PEX14: variants seen among roughly 807,000 people sequenced by gnomAD.
PEX14 encodes the protein peroxisomal biogenesis factor 14.
In PEX14, 15 loss-of-function variants were observed where a neutral mutation model predicts 49.5. That is an observed-to-expected ratio of 0.30 (90% CI 0.20 to 0.47). The LOEUF is 0.47. Ranked by LOEUF, PEX14 falls within the 20% of genes least tolerant of loss-of-function variation. PEX14 has a pLI of 1.00. For missense variants in PEX14, 398 were observed against 494.8 expected (o/e 0.80, Z 1.86); for synonymous variants, 210 against 212.7 (o/e 0.99, Z 0.11).
In PEX14 at chr1:10,605,989, G is replaced by A. The variant is rs1418514211; in HGVS notation, c.298+6623G>A. Among the ~76,000 whole-genome samples, 5 of 152,208 alleles carry A rather than the reference G, an allele frequency of 3.3e-5. No homozygotes were observed. In the East Asian group the frequency reaches 9.6e-4, roughly 29 times the overall value. On this transcript the variant is annotated intron_variant, in intron 4 of 8. Transcript: ENST00000356607. ...AAGTATCACGGGAAGGAACCGAAAT[G>A]AAGTGATCCTTTCCTTAGGTTTCTT...
rs768883805 is a variant in PEX14 at position 10,512,802 on chromosome 1, G to A, written c.84+17481G>A. ...CAACCTCCGCCTCACGGGTTCAAGC[G>A]ATTCCCTGCCTCAGCCTCCTGAGTA... On this transcript the variant is annotated intron_variant, in intron 2 of 8. Coordinates refer to ENST00000356607, the MANE Select transcript of PEX14 (RefSeq NM_004565.3). The surrounding 1 kb of genome is among the most constrained non-coding windows in gnomAD (Gnocchi z 4.6). Among the ~76,000 whole-genome samples, 27 of 152,128 alleles carry A rather than the reference G, an allele frequency of 1.8e-4. No homozygotes were observed. Among genetic ancestry groups the A allele is most frequent in the Admixed American group, 8.5e-4 (13 of 15,282 alleles).
chr1:10,486,919 C>T (rs1641379690), intron 1 of PEX14, among the ~76,000 whole-genome samples: 1 of 151,910 alleles, frequency 6.6e-6, no homozygotes, highest in Non-Finnish European at 1.5e-5. Context: ...GAACTCCTGA[C>T]CCTGTGATCT....
At chr1:10,582,960 C>G (rs1451002891) in intron 3 of PEX14, among the ~76,000 whole-genome samples, 2 of 152,046 alleles carry the variant, frequency 1.3e-5, no homozygotes, top group African/African-American at 4.8e-5. Flanking sequence ...GTCTTGAACT[C>G]CTTGACCTCA....
intron 4 of PEX14, among the ~76,000 whole-genome samples, chr1:10,606,557 A>G (rs1281138245): frequency 6.6e-6 from 1 of 152,244 alleles, no homozygotes; most frequent in Non-Finnish European, 1.5e-5. Context: ...GGGGAGGAAC[A>G]CATGGCTAGC....
intron 4 of PEX14, among the ~76,000 whole-genome samples, chr1:10,612,662 C>T (rs370537915): frequency 3.9e-5 from 6 of 152,172 alleles, no homozygotes; most frequent in African/African-American, 9.7e-5. Context: ...GGGCCCACCC[C>T]GCCCCCAAGC....
chr1:10,608,650 G>T (rs1040698934), intron 4 of PEX14, among the ~76,000 whole-genome samples: 1 of 135,602 alleles, frequency 7.4e-6, no homozygotes, highest in African/African-American at 2.8e-5. Flanking sequence ...TGACAACAGC[G>T]AGACTCCGTC....
At chr1:10,590,149 G>A (rs559356756) in intron 3 of PEX14, among the ~76,000 whole-genome samples, 2 of 152,304 alleles carry the variant, frequency 1.3e-5, no homozygotes, top group South Asian at 4.1e-4. Context: ...TAAATGGGGA[G>A]AATCAAGTGT....
intron 3 of PEX14, among the ~76,000 whole-genome samples, chr1:10,572,510 T>C (rs139995942): frequency 1.9e-4 from 29 of 152,312 alleles, no homozygotes; most frequent in African/African-American, 5.8e-4. Context: ...AATACAGTCA[T>C]GTGTCACTGG....
chr1:10,618,138 T>C (rs946591674), intron 4 of PEX14, among the ~76,000 whole-genome samples, 194 bp from the exon 5 acceptor site: 19 of 152,180 alleles, frequency 1.2e-4, no homozygotes, highest in African/African-American at 4.8e-5. Flanking sequence ...TGTGTCCCAG[T>C]TGAGGCAGTG....
chr1:10,597,416 T>C lies in PEX14; in HGVS notation c.170-1822T>C, dbSNP rs1640858965. 6.6e-6 allele frequency among the ~76,000 whole-genome samples: 1 copy of C among 152,310 alleles called. No individual in the cohort carries two copies. The highest frequency in any genetic ancestry group is 1.5e-5 in the Non-Finnish European group (1 of 68,022). ...AGCGATCGGCAGTCACTACACAGGC[T>C]GGAACCTGAGAGGCACAAACTCAGG... On this transcript the variant is annotated intron_variant, in intron 3 of 8. Coordinates refer to ENST00000356607, the MANE Select transcript of PEX14 (RefSeq NM_004565.3). This position sits in a 1 kb window ranked among gnomAD's most constrained non-coding sequence, Gnocchi z 5.7.
chr1:10,549,142 A>ATT (rs1165767497), intron 3 of PEX14, among the ~76,000 whole-genome samples: 1 of 152,178 alleles, frequency 6.6e-6, no homozygotes, highest in East Asian at 1.9e-4. Context: ...AAAAAAAATC[A>ATT]TGACCCTCTG....
At chr1:10,497,434 A>G (rs931183114) in intron 2 of PEX14, among the ~76,000 whole-genome samples, 5 of 152,230 alleles carry the variant, frequency 3.3e-5, no homozygotes, top group Non-Finnish European at 2.9e-5. Flanking sequence ...TGTCTCCTGC[A>G]TGCTCAGCTT....
chr1:10,589,027 G>T lies in PEX14; in HGVS notation c.170-10211G>T, dbSNP rs1430937721. Among the ~76,000 whole-genome samples, 3 of 152,136 alleles carry T rather than the reference G, an allele frequency of 2.0e-5. No homozygotes were observed. In the East Asian group the frequency reaches 5.8e-4, roughly 29 times the overall value. On this transcript the variant is annotated intron_variant, in intron 3 of 8. Coordinates refer to ENST00000356607, the MANE Select transcript of PEX14 (RefSeq NM_004565.3). ...GGAATGAATCCCCCCACAGATAAGG[G>T]TGGGCTACTGTATACCCTTTTATAT...
chr1:10,577,538 A>ATATATATATATATATATG (rs1211892081), intron 3 of PEX14, among the ~76,000 whole-genome samples: 1 of 2,350 alleles, frequency 4.3e-4, no homozygotes, highest in Non-Finnish European at 2.0e-3. Context: ...ACATATATAT[A>ATATATATATATATATATG]TATATATATA....
At chr1:10,550,241 G>A (rs1350902957) in intron 3 of PEX14, among the ~76,000 whole-genome samples, 1 of 152,194 alleles carries the variant, frequency 6.6e-6, no homozygotes, top group African/African-American at 2.4e-5. Context: ...GGGCAGAAAG[G>A]ACAGCAAGCT....
chr1:10,553,039 T>C (rs898452003), intron 3 of PEX14, among the ~76,000 whole-genome samples: 1 of 152,162 alleles, frequency 6.6e-6, no homozygotes, highest in South Asian at 2.1e-4. Context: ...TGGATTTTGT[T>C]ATGTGGACAG....
intron 3 of PEX14, among the ~76,000 whole-genome samples, chr1:10,562,572 G>C (rs1338656012): frequency 1.3e-5 from 2 of 152,138 alleles, no homozygotes; most frequent in Admixed American, 1.3e-4. Flanking sequence ...GATTTCATTT[G>C]TGCATTTTTG....
rs1641888234 is a variant in PEX14, at chr1:10,630,316, GGTGTGTTTGC to G, written c.*330_*339del. The G allele has an allele frequency of 4.5e-6, 2 of 447,510 alleles. No homozygotes were observed. The highest frequency in any genetic ancestry group is 7.1e-5 in the Admixed American group (2 of 28,042). 27.7% of individuals were successfully genotyped at this position (447,510 alleles called of 1,614,324 possible). On this transcript the variant is annotated 3_prime_UTR_variant, in exon 9 of 9. Coordinates refer to ENST00000356607, the MANE Select transcript of PEX14 (RefSeq NM_004565.3). The surrounding 1 kb of genome is among the most constrained non-coding windows in gnomAD (Gnocchi z 4.1). The stretch of plus-strand genomic sequence containing the variant: ...TCTCCCGGACAGACGCCTTGCCCAG[GGTGTGTTTGC>G]TGAGTGTCTTGACTACCGTGACACC...
At chr1:10,602,229 A>G (rs963320422) in intron 4 of PEX14, among the ~76,000 whole-genome samples, 1 of 152,214 alleles carries the variant, frequency 6.6e-6, no homozygotes, top group Non-Finnish European at 1.5e-5. Context: ...TAAAATACAC[A>G]TTCTTAGACA....
Sources: allele counts gnomAD v4.1 joint callset (sites outside exome capture counted in the v4.1 genomes callset), GRCh38; gene constraint gnomAD v4.1.1; non-coding constraint Gnocchi (gnomAD v3.1); transcripts MANE v1.5; gene names NCBI Gene and HGNC (gene_info 2026-07-23, HGNC 2026-07-21).